CUBN: variants seen among roughly 807,000 people sequenced by gnomAD.
CUBN encodes 460 kDa receptor.
Under a neutral mutation model 405.3 loss-of-function variants are expected in CUBN, and 282 were observed. That is an observed-to-expected ratio of 0.70 (90% CI 0.63 to 0.77). The LOEUF is 0.77. Ranked by LOEUF, CUBN falls within the 30% of genes least tolerant of loss-of-function variation. The pLI, the probability that CUBN is intolerant of heterozygous loss-of-function variation, is 0.00. For synonymous variants in CUBN, 1,684 were observed against 1,617.0 expected, an observed-to-expected ratio of 1.04 and a Z score of -0.99; for missense variants, 4,514 against 4,475.2, an observed-to-expected ratio of 1.01 and a Z score of -0.25.
At chr10:16,938,880 T>G in intron 38 of CUBN, 83 bp downstream of exon 38, 2 of 1,258,088 alleles carry the variant, frequency 1.6e-6, no homozygotes, top group Non-Finnish European at 2.3e-6. Flanking sequence ...TTGCAAATGC[T>G]TGAATAGACG....
chr10:16,922,502 C>T (rs1363427544), intron 43 of CUBN, among the ~76,000 whole-genome samples: 1 of 152,134 alleles, frequency 6.6e-6, no homozygotes, highest in Non-Finnish European at 1.5e-5. Flanking sequence ...TCACGCTGTT[C>T]AGGCTTTGGA....
At chr10:16,875,766 T>C (rs1329168122) in intron 57 of CUBN, among the ~76,000 whole-genome samples, 1 of 152,236 alleles carries the variant, frequency 6.6e-6, no homozygotes, top group Non-Finnish European at 1.5e-5. Flanking sequence ...GGGACTCTTA[T>C]ACTAGAATAT....
At chr10:16,941,910 C>T (rs1224375212) in intron 36 of CUBN, among the ~76,000 whole-genome samples, 2 of 151,718 alleles carry the variant, frequency 1.3e-5, no homozygotes, top group Admixed American at 6.6e-5. Context: ...GGGAGATAAT[C>T]GTAAAGCATT....
intron 32 of CUBN, among the ~76,000 whole-genome samples, chr10:16,953,311 A>G (rs1349678869): frequency 6.6e-6 from 1 of 152,226 alleles, no homozygotes; most frequent in African/African-American, 2.4e-5. Flanking sequence ...TTTAAAATCA[A>G]CAAGAATATA....
intron 39 of CUBN, among the ~76,000 whole-genome samples, 160 bp from the exon 40 acceptor site, chr10:16,933,444 G>A (rs890501190): frequency 1.3e-5 from 2 of 152,048 alleles, no homozygotes; most frequent in East Asian, 1.9e-4. Context: ...CCACTGATTC[G>A]GAAAGCTGCA....
intron 27 of CUBN, among the ~76,000 whole-genome samples, chr10:17,035,302 T>C (rs991622306): frequency 1.1e-4 from 16 of 152,024 alleles, no homozygotes; most frequent in Non-Finnish European, 7.4e-5. Flanking sequence ...TAGCTAAACT[T>C]TGGGAAATGG....
At chr10:16,876,868 T>C (rs2131377592) in intron 57 of CUBN, 29 bp downstream of exon 57, 1 of 1,596,298 alleles carries the variant, frequency 6.3e-7, no homozygotes, top group South Asian at 1.1e-5. Flanking sequence ...AAGAAGAAAA[T>C]TCCAAACTCT....
At chr10:17,096,887 C>T (rs1836385919) in intron 14 of CUBN, among the ~76,000 whole-genome samples, 1 of 152,022 alleles carries the variant, frequency 6.6e-6, no homozygotes, top group African/African-American at 2.4e-5. Flanking sequence ...AAAATACTTT[C>T]AGCCGAATGC....
At chr10:16,993,495 T>C (rs888745585) in intron 28 of CUBN, among the ~76,000 whole-genome samples, 2 of 152,154 alleles carry the variant, frequency 1.3e-5, no homozygotes, top group African/African-American at 4.8e-5. Flanking sequence ...TCAGTATTGC[T>C]TTAAAAAAAT....
rs1836092449 is a variant in CUBN, at chr10:17,085,729, G to T, written c.1978C>A (p.Leu660Ile). Residue 660 changes from leucine (L) to isoleucine (I), a missense_variant, in exon 16 of 67, where the codon CTT (leucine) becomes ATT (isoleucine). By Grantham distance (5) the Leu-to-Ile change is conservative (BLOSUM62 2). Transcript: ENST00000377833. ...AAAGTGGTGCAGAACTTCCCAAGAA[G>T]GGGGTCCTGATACAAAGGACCATCT... ...IRDGPLYQDP[L>I]LGKFCTTFSV... 6.8e-6 allele frequency: 11 copies of T among 1,613,930 alleles called. No homozygotes were observed. The highest frequency in any genetic ancestry group is 9.3e-6 in the Non-Finnish European group (11 of 1,179,964).
At chr10:16,966,396 C>T (rs532218236) in intron 31 of CUBN, among the ~76,000 whole-genome samples, 122 of 152,238 alleles carry the variant, frequency 8.0e-4, no homozygotes, top group African/African-American at 2.7e-3. Flanking sequence ...CTGGTCCAAC[C>T]GCCATTCTCT....
chr10:16,858,278 G>C (rs1429818694), intron 59 of CUBN, among the ~76,000 whole-genome samples: 1 of 152,052 alleles, frequency 6.6e-6, no homozygotes, highest in Non-Finnish European at 1.5e-5. Flanking sequence ...TCTCAGCAAG[G>C]TTTTTCTGCA....
rs1362858994 is a variant in CUBN, at chr10:17,071,991, A to G, written c.2302-20T>C. The G allele has an allele frequency of 6.3e-7, 1 of 1,599,678 alleles. No individual in the cohort carries two copies. The highest frequency in any genetic ancestry group is 1.7e-5 in the Admixed American group (1 of 59,336). ...TCGAACCTAAAGAGAAAAATAAAAT[A>G]GAGATGTAATTCAAATAAAGAAACT... On this transcript the variant is annotated intron_variant, in intron 17 of 66. Coordinates refer to ENST00000377833, the MANE Select transcript of CUBN (RefSeq NM_001081.4).
At position 17,129,140 on chromosome 10, in the gene CUBN, A is replaced by G; in HGVS notation, c.233T>C (p.Leu78Pro). The change falls in exon 2 of 67, where the codon CTC becomes CCC. Residue 78 changes from leucine (L) to proline (P), a missense_variant. By Grantham distance (98) the Leu-to-Pro change is moderately conservative. Coordinates refer to ENST00000377833, the MANE Select transcript of CUBN (RefSeq NM_001081.4). ...LGKIKLNDED[L>P]SECLHQIQKN... ...TATTACCTGATGTAAACACTCACTG[A>G]GATCTTCATCATTTAATTTAATTTT... 6.2e-7 allele frequency: 1 copy of G among 1,612,300 alleles called. No individual in the cohort carries two copies. The highest frequency in any genetic ancestry group is 1.3e-5 in the African/African-American group (1 of 75,002).
chr10:16,917,910 T>C (rs1034504033), intron 45 of CUBN, among the ~76,000 whole-genome samples: 19 of 152,070 alleles, frequency 1.2e-4, no homozygotes, highest in Non-Finnish European at 1.0e-4. Flanking sequence ...TTTCCCAGGG[T>C]TTTTATAGTT....
rs909212301 is a variant in CUBN at position 16,947,246 on chromosome 10, C to G, written c.5331G>C (p.Gln1777His). The change falls in exon 36 of 67, where the codon CAG becomes CAC. Residue 1777 changes from glutamine (Q) to histidine (H), a missense_variant. By Grantham distance (24) the Gln-to-His change is conservative. This residue lies in a region of CUBN where 1,613 missense variants were observed against 1,542.8 expected (regional missense o/e 1.05). Coordinates refer to ENST00000377833, the MANE Select transcript of CUBN (RefSeq NM_001081.4). ...AAAAAAGGATTTACATAAAAGACAGCTGGAGCCGGTTGCCAGGGGAACTGA... is the reference window on the plus strand; with the variant it reads ...AAAAAAGGATTTACATAAAAGACAGGTGGAGCCGGTTGCCAGGGGAACTGA... ...NIVSSPGNRLQLSFISFQLED... is the reference protein window; with the variant it reads ...NIVSSPGNRLHLSFISFQLED... 3 of 1,613,988 alleles carry G rather than the reference C, an allele frequency of 1.9e-6. No individual in the cohort carries two copies. Among genetic ancestry groups the G allele is most frequent in the Non-Finnish European group, 2.5e-6 (3 of 1,179,974 alleles).
intron 17 of CUBN, among the ~76,000 whole-genome samples, chr10:17,083,516 A>AATACATACATACATACATACATAC (rs146497391): frequency 6.3e-5 from 9 of 142,724 alleles, no homozygotes; most frequent in South Asian, 2.3e-4. Context: ...AAAATAAATA[A>AATACATACATACATACATACATAC]ATACATACAT....
At chr10:17,097,667 G>A (rs1323462814) in intron 14 of CUBN, among the ~76,000 whole-genome samples, 1 of 152,024 alleles carries the variant, frequency 6.6e-6, no homozygotes, top group East Asian at 1.9e-4. Flanking sequence ...AGCATAACTT[G>A]CCATGAACAA....
chr10:16,953,213 G>A (rs1320664107), intron 32 of CUBN, among the ~76,000 whole-genome samples: 3 of 151,864 alleles, frequency 2.0e-5, no homozygotes, highest in Non-Finnish European at 2.9e-5. Context: ...GTTACAGTCC[G>A]GATGAAAGCT....
Sources: allele counts gnomAD v4.1 joint callset (sites outside exome capture counted in the v4.1 genomes callset), GRCh38; gene constraint gnomAD v4.1.1; regional missense constraint gnomAD v4.1.1; transcripts MANE v1.5; gene names NCBI Gene and HGNC (gene_info 2026-07-23, HGNC 2026-07-21).